Variants in MYO3B observed in about 807,000 individuals in gnomAD.
MYO3B encodes myosin IIIB, also known as myosin-IIIb.
In MYO3B, 156 loss-of-function variants were observed where a neutral mutation model predicts 174.6. The observed-to-expected ratio is 0.89, with a 90% CI of 0.78 to 1.02. The LOEUF (loss-of-function observed/expected upper bound fraction) is 1.02. Ranked by LOEUF, MYO3B falls within the 50% of genes least tolerant of loss-of-function variation. MYO3B has a pLI of 0.00. For missense variants in MYO3B, 1,632 were observed against 1,639.4 expected, an observed-to-expected ratio of 1.00 and a Z score of 0.08; for synonymous variants, 563 against 569.1, an observed-to-expected ratio of 0.99 and a Z score of 0.15.
At chr2:170,228,747 C>T (rs919836325) in intron 6 of MYO3B, among the ~76,000 whole-genome samples, 2 of 152,024 alleles carry the variant, frequency 1.3e-5, no homozygotes, top group Non-Finnish European at 2.9e-5. Flanking sequence ...TAAGCTGAAA[C>T]TTACAATCCT....
intron 7 of MYO3B, among the ~76,000 whole-genome samples, chr2:170,265,298 G>A (rs1209517595): frequency 6.6e-6 from 1 of 152,096 alleles, no homozygotes. Context: ...CATAGCTGGA[G>A]GTTCCAAACT....
At chr2:170,501,955 C>A in intron 28 of MYO3B, 90 bp downstream of exon 28, 1 of 889,900 alleles carries the variant, frequency 1.1e-6, no homozygotes, top group Non-Finnish European at 1.8e-6. Flanking sequence ...GTTAATAATT[C>A]AGGAGCACTG....
intron 8 of MYO3B, among the ~76,000 whole-genome samples, chr2:170,357,814 T>G (rs2094133668): frequency 1.3e-5 from 2 of 152,170 alleles, no homozygotes; most frequent in Non-Finnish European, 2.9e-5. Flanking sequence ...CATAAAAGCT[T>G]GTACAGAAAT....
At chr2:170,315,497 GT>G (rs11322355) in intron 7 of MYO3B, among the ~76,000 whole-genome samples, 70,595 of 151,640 alleles carry the variant, frequency 0.47, 16,839 homozygotes, top group African/African-American at 0.52. Flanking sequence ...GTAGAGGTGG[GT>G]TTTCACCAAG....
intron 1 of MYO3B, among the ~76,000 whole-genome samples, chr2:170,187,350 A>G (rs182394458): frequency 1.0e-3 from 155 of 152,080 alleles, no homozygotes; most frequent in Non-Finnish European, 2.0e-3. Context: ...CTCCTGCCTC[A>G]GCCTCCTGAG....
intron 32 of MYO3B, among the ~76,000 whole-genome samples, chr2:170,547,009 G>T (rs1391860443): frequency 6.6e-6 from 1 of 152,114 alleles, no homozygotes; most frequent in East Asian, 1.9e-4. Context: ...CTTAAACAAG[G>T]CTGTCTTCAG....
At chr2:170,218,627 T>C (rs1284916147) in intron 6 of MYO3B, among the ~76,000 whole-genome samples, 1 of 152,204 alleles carries the variant, frequency 6.6e-6, no homozygotes, top group Non-Finnish European at 1.5e-5. Flanking sequence ...CTTTATTCCA[T>C]TTCAGCTAGC....
At chr2:170,633,316 A>G (rs922264289) in intron 32 of MYO3B, among the ~76,000 whole-genome samples, 2 of 152,240 alleles carry the variant, frequency 1.3e-5, no homozygotes, top group African/African-American at 4.8e-5. Flanking sequence ...CTGGTTCAAC[A>G]TACGCAAATC....
intron 7 of MYO3B, among the ~76,000 whole-genome samples, chr2:170,311,683 G>A (rs980759244): frequency 1.3e-4 from 20 of 151,888 alleles, no homozygotes; most frequent in African/African-American, 4.4e-4. Context: ...CCATTGCCAA[G>A]TCCAAGGTCA....
intron 1 of MYO3B, among the ~76,000 whole-genome samples, chr2:170,182,984 C>G (rs1013315611): frequency 6.6e-6 from 1 of 151,188 alleles, no homozygotes; most frequent in Non-Finnish European, 1.5e-5. Context: ...CGGCTGGGCG[C>G]TGTGGCTCAT....
rs151186127 is a variant in MYO3B, at chr2:170,360,909, G to A, written c.816-8313G>A. Among the ~76,000 whole-genome samples, 1,238 of 152,296 alleles carry A rather than the reference G, an allele frequency of 8.1e-3. 8 individuals are homozygous for A. Among genetic ancestry groups the A allele is most frequent in the African/African-American group, 0.025 (1,053 of 41,550 alleles). On this transcript the variant is annotated intron_variant, in intron 8 of 34. Transcript: ENST00000408978. ...AGGCTTGATCTTGGAATTCTCAGCC[G>A]TCAGAACTGTGAGAAAGTACATTTC...
At chr2:170,497,781 G>A (rs567087984) in intron 25 of MYO3B, among the ~76,000 whole-genome samples, 1 of 151,570 alleles carries the variant, frequency 6.6e-6, no homozygotes, top group East Asian at 2.0e-4. Context: ...GATGGGTGAG[G>A]AAAAGATATT....
chr2:170,300,957 T>C (rs2093661598), intron 7 of MYO3B, among the ~76,000 whole-genome samples: 1 of 152,008 alleles, frequency 6.6e-6, no homozygotes, highest in African/African-American at 2.4e-5. Context: ...AAAGGGAGTT[T>C]AGTTAGTTAG....
intron 8 of MYO3B, among the ~76,000 whole-genome samples, chr2:170,356,888 C>T (rs2094125883): frequency 1.3e-5 from 2 of 152,286 alleles, no homozygotes; most frequent in Middle Eastern, 3.4e-3. Flanking sequence ...AGCAGTCCTC[C>T]CACCTCAGCC....
At chr2:170,464,568 A>G (rs778521279) in intron 24 of MYO3B, among the ~76,000 whole-genome samples, 5 of 152,076 alleles carry the variant, frequency 3.3e-5, no homozygotes, top group Non-Finnish European at 7.4e-5. Flanking sequence ...GCAGGGATCT[A>G]AAACGCGGAA....
chr2:170,500,636 C>A (rs912219867), intron 27 of MYO3B, among the ~76,000 whole-genome samples: 2 of 152,180 alleles, frequency 1.3e-5, no homozygotes, highest in African/African-American at 4.8e-5. Flanking sequence ...CAAGTCTTTA[C>A]AACATGAGTG....
rs112228599 is a variant in MYO3B, at chr2:170,529,660, T to C, written c.3575+10120T>C. Among the ~76,000 whole-genome samples, 733 of 152,338 alleles carry C rather than the reference T, an allele frequency of 4.8e-3. 3 individuals carry two copies. Among genetic ancestry groups the C allele is most frequent in the Non-Finnish European group, 7.6e-3 (517 of 68,032 alleles). On this transcript the variant is annotated intron_variant, in intron 30 of 34. Coordinates refer to ENST00000408978, the MANE Select transcript of MYO3B (RefSeq NM_138995.5). ...TGTATCCTCATCAAGCTCTTTATTA[T>C]ATTCCCGCTCAGAATGAGTTTCTGC...
At chr2:170,472,939 A>C (rs945400003) in intron 25 of MYO3B, among the ~76,000 whole-genome samples, 16 of 151,504 alleles carry the variant, frequency 1.1e-4, no homozygotes, top group African/African-American at 3.9e-4. Context: ...GAGCTCGAGC[A>C]ATCTGTCTGC....
chr2:170,265,385 A>C (rs1022140215), intron 7 of MYO3B, among the ~76,000 whole-genome samples: 1 of 152,256 alleles, frequency 6.6e-6, no homozygotes, highest in African/African-American at 2.4e-5. Context: ...AATTGTGATA[A>C]AAACCTACAT....
Sources: gnomAD v4.1 joint callset for allele counts (sites outside exome capture counted in the v4.1 genomes callset) on GRCh38, gnomAD v4.1.1 for gene constraint, MANE v1.5 for transcripts, NCBI Gene and HGNC (gene_info 2026-07-23, HGNC 2026-07-21) for gene names.